ROBO2: variants seen among roughly 807,000 people sequenced by gnomAD.
ROBO2 encodes roundabout homolog 2.
Under a neutral mutation model 160.8 loss-of-function variants are expected in ROBO2, and 53 were observed. The ratio of observed to expected loss-of-function variants is 0.33; its 90% CI spans 0.26 to 0.41. The LOEUF (loss-of-function observed/expected upper bound fraction) is 0.41, where lower values mean the gene tolerates loss of function less well. Among genes scored for constraint, ROBO2 ranks in the 10% least tolerant of loss-of-function variants. ROBO2 has a pLI of 1.00. For synonymous variants in ROBO2, 664 were observed against 611.7 expected (o/e 1.09, Z -1.26); for missense variants, 1,577 against 1,722.4 (o/e 0.92, Z 1.49).
intron 2 of ROBO2, among the ~76,000 whole-genome samples, chr3:76,738,824 C>G (rs2093755733): frequency 7.5e-6 from 1 of 133,736 alleles, no homozygotes; most frequent in Non-Finnish European, 1.6e-5. Context: ...TTTATTATTT[C>G]TGTTTTCTCT....
At position 76,293,281 on chromosome 3, in the gene ROBO2, A is replaced by C. The variant is rs139861736; in HGVS notation, c.109+355679A>C. On this transcript the variant is annotated intron_variant, in intron 2 of 26. Transcript: ENST00000487694. Reference sequence around the variant, plus strand: ...GAATGCCCTTCTAAAGGGCAAAATAAATGTTCGGAAAAATCAAACATTTTC... The same window carrying C: ...GAATGCCCTTCTAAAGGGCAAAATACATGTTCGGAAAAATCAAACATTTTC... 3.7e-3 allele frequency among the ~76,000 whole-genome samples: 556 copies of C among 152,326 alleles called. 7 individuals carry two copies. The highest frequency in any genetic ancestry group is 0.025 in the Admixed American group (380 of 15,300).
chr3:76,653,491 G>A (rs2091346441), intron 2 of ROBO2, among the ~76,000 whole-genome samples: 1 of 151,668 alleles, frequency 6.6e-6, no homozygotes. Context: ...ATTCGACAAA[G>A]CCAAAGTAAT....
intron 2 of ROBO2, among the ~76,000 whole-genome samples, chr3:76,546,237 G>C (rs1178410294): frequency 6.6e-6 from 1 of 151,654 alleles, no homozygotes; most frequent in Non-Finnish European, 1.5e-5. Flanking sequence ...ATTAACATTA[G>C]GCAAATTTAA....
chr3:76,121,888 T>C lies in ROBO2; in HGVS notation c.109+184286T>C, dbSNP rs144300632. On this transcript the variant is annotated intron_variant, in intron 2 of 26. Coordinates refer to the ROBO2 transcript ENST00000487694. ...TAAGTCTACAGCCAAATAGACTCTC[T>C]GAATTCAGATTTTTACTTGACTATT... 3.0e-3 allele frequency among the ~76,000 whole-genome samples: 450 copies of C among 152,338 alleles called. 1 individual carries two copies. The highest frequency in any genetic ancestry group is 5.2e-3 in the Non-Finnish European group (352 of 68,016).
chr3:76,150,607 A>G (rs2072159474), intron 2 of ROBO2, among the ~76,000 whole-genome samples: 2 of 152,168 alleles, frequency 1.3e-5, no homozygotes, highest in Non-Finnish European at 1.5e-5. Flanking sequence ...TCTGAAACAC[A>G]CATCCCTAGG....
At chr3:76,064,935 A>G (rs1007964196) in intron 2 of ROBO2, among the ~76,000 whole-genome samples, 2 of 152,118 alleles carry the variant, frequency 1.3e-5, no homozygotes, top group African/African-American at 4.8e-5. Flanking sequence ...GTTTGTTTGT[A>G]CTTGACTTCT....
Position 77,527,390 on chromosome 3 carries a change from G to T in ROBO2, c.934+4488G>T, listed in dbSNP as rs2091267785. On this transcript the variant is annotated intron_variant, in intron 6 of 25. Transcript: ENST00000461745. ...TTTTTTATGTTCTCACCACACCATT[G>T]TAATGTCTACAGCTCGCCCTGTTGG... 7.8e-7 allele frequency: 1 copy of T among 1,287,226 alleles called. No individual in the cohort carries two copies. The highest frequency in any genetic ancestry group is 1.2e-5 in the South Asian group (1 of 80,850). 79.7% of individuals were successfully genotyped at this position (1,287,226 alleles called of 1,614,324 possible).
chr3:76,538,007 G>A lies in ROBO2; in HGVS notation c.110-560007G>A, dbSNP rs145024312. On this transcript the variant is annotated intron_variant, in intron 2 of 26. Coordinates refer to the ROBO2 transcript ENST00000487694. Reference sequence around the variant, plus strand: ...TGGAAGGTCATATGGAGGGTCAATCGGTGAAGGCAGGAACTGGGGTTTCAC... The same window carrying A: ...TGGAAGGTCATATGGAGGGTCAATCAGTGAAGGCAGGAACTGGGGTTTCAC... Among the ~76,000 whole-genome samples the A allele has an allele frequency of 3.0e-4, 45 of 152,154 alleles. 2 individuals are homozygous for A. Among genetic ancestry groups the A allele is most frequent in the South Asian group, 2.7e-3 (13 of 4,814 alleles).
At chr3:76,805,427 G>A (rs925611974) in intron 2 of ROBO2, among the ~76,000 whole-genome samples, 77 of 151,636 alleles carry the variant, frequency 5.1e-4, no homozygotes, top group African/African-American at 1.7e-3. Flanking sequence ...AGGAAGCTAG[G>A]CATCTTTTAT....
At chr3:77,444,692 C>T (rs1198162215) in intron 2 of ROBO2, among the ~76,000 whole-genome samples, 1 of 151,528 alleles carries the variant, frequency 6.6e-6, no homozygotes, top group South Asian at 2.1e-4. Context: ...CAGTGGATGA[C>T]GTATAAAATC....
chr3:77,192,240 T>A (rs2081921133), intron 2 of ROBO2, among the ~76,000 whole-genome samples: 1 of 152,196 alleles, frequency 6.6e-6, no homozygotes, highest in African/African-American at 2.4e-5. Context: ...GTGTTCTGCC[T>A]TATGTGTATG....
intron 2 of ROBO2, among the ~76,000 whole-genome samples, chr3:76,990,161 A>G (rs1284711011): frequency 6.6e-6 from 1 of 152,222 alleles, no homozygotes; most frequent in Non-Finnish European, 1.5e-5. Context: ...GGTAGCTATT[A>G]CAAACTCAGT....
In ROBO2 at chr3:76,888,347, G is replaced by A. The variant is rs113073024; in HGVS notation, c.110-209667G>A. Among the ~76,000 whole-genome samples the A allele has an allele frequency of 2.0e-3, 307 of 152,168 alleles. 3 individuals carry two copies. Among genetic ancestry groups the A allele is most frequent in the South Asian group, 0.018 (87 of 4,820 alleles). On this transcript the variant is annotated intron_variant, in intron 2 of 26. Coordinates refer to the ROBO2 transcript ENST00000487694. ...CACGGCCCTGCACTCCAGCCTGGGT[G>A]ACAGAACCAGTCTCTGCTCCAAACA... is the stretch of plus-strand genomic sequence containing the variant.
chr3:76,206,897 G>A (rs940529632), intron 2 of ROBO2, among the ~76,000 whole-genome samples: 11 of 152,078 alleles, frequency 7.2e-5, no homozygotes, highest in Non-Finnish European at 1.6e-4. Context: ...TTAGTTTCCA[G>A]CATCAGTCCA....
chr3:77,363,579 G>A (rs558566351), intron 2 of ROBO2, among the ~76,000 whole-genome samples: 145 of 151,976 alleles, frequency 9.5e-4, no homozygotes, highest in African/African-American at 1.4e-3. Context: ...TAAGTTTAGC[G>A]TAGAATGGAC....
intron 2 of ROBO2, among the ~76,000 whole-genome samples, chr3:75,957,258 C>CAA (rs1035346993): frequency 2.7e-5 from 4 of 150,778 alleles, no homozygotes; most frequent in African/African-American, 9.7e-5. Context: ...AACACACACA[C>CAA]ACACACACAT....
chr3:76,126,204 C>G (rs967232368), intron 2 of ROBO2, among the ~76,000 whole-genome samples: 2 of 152,164 alleles, frequency 1.3e-5, no homozygotes, highest in Non-Finnish European at 2.9e-5. Flanking sequence ...TCTTTGCTTT[C>G]AAGTGTAGAG....
At chr3:76,051,603 A>G (rs2324466) in intron 2 of ROBO2, among the ~76,000 whole-genome samples, 3,133 of 152,228 alleles carry the variant, frequency 0.021, 44 homozygotes, top group East Asian at 0.081. Flanking sequence ...AATTATTTTC[A>G]TGCAAATTGT....
intron 2 of ROBO2, among the ~76,000 whole-genome samples, chr3:76,738,484 C>A (rs2107991936): frequency 6.6e-6 from 1 of 152,212 alleles, no homozygotes; most frequent in South Asian, 2.1e-4. Context: ...TAGCACAACT[C>A]CAAGTTTTGA....
Sources: gnomAD v4.1 joint callset for allele counts (sites outside exome capture counted in the v4.1 genomes callset) on GRCh38, gnomAD v4.1.1 for gene constraint, MANE v1.5 for transcripts, NCBI Gene and HGNC (gene_info 2026-07-23, HGNC 2026-07-21) for gene names.